The following PDE1C variants were observed in gnomAD, a reference collection of about 807,000 sequenced individuals.
PDE1C encodes the protein dual specificity calcium/calmodulin-dependent 3',5'-cyclic nucleotide phosphodiesterase 1C.
PDE1C carries 62 observed loss-of-function variants against 93.1 expected under a neutral mutation model. The observed-to-expected ratio is 0.67, with a 90% CI of 0.54 to 0.82. PDE1C has a LOEUF of 0.82. Ranked by LOEUF, PDE1C falls within the 40% of genes least tolerant of loss-of-function variation. PDE1C has a pLI of 0.00. For synonymous variants in PDE1C, 325 were observed against 310.1 expected (o/e 1.05, Z -0.50); for missense variants, 742 against 884.6 (o/e 0.84, Z 2.04).
chr7:32,314,324 T>C (rs888542291), intron 1 of PDE1C, among the ~76,000 whole-genome samples: 18 of 152,282 alleles, frequency 1.2e-4, no homozygotes, highest in African/African-American at 4.3e-4. Flanking sequence ...TTCTAGTTCA[T>C]TAAGAGACAA....
intron 2 of PDE1C, among the ~76,000 whole-genome samples, chr7:32,010,918 G>T (rs1786995945): frequency 6.6e-6 from 1 of 152,100 alleles, no homozygotes; most frequent in Non-Finnish European, 1.5e-5. Flanking sequence ...TTCAAATAAG[G>T]TTACATTCTG....
At chr7:31,768,295 C>T (rs1795266968) in intron 17 of PDE1C, among the ~76,000 whole-genome samples, 1 of 152,164 alleles carries the variant, frequency 6.6e-6, no homozygotes, top group Admixed American at 6.5e-5. Flanking sequence ...TCGGGCCAGG[C>T]TGCGGTTGCC....
At chr7:31,912,056 T>A (rs1801308521) in intron 2 of PDE1C, among the ~76,000 whole-genome samples, 1 of 152,114 alleles carries the variant, frequency 6.6e-6, no homozygotes, top group East Asian at 1.9e-4. Context: ...ATAAGTTAAA[T>A]CCATTGGTTC....
chr7:31,804,582 A>C (rs1310155093), intron 16 of PDE1C, among the ~76,000 whole-genome samples: 1 of 151,882 alleles, frequency 6.6e-6, no homozygotes, highest in African/African-American at 2.4e-5. Context: ...CATTGATAGA[A>C]GATTTCATTC....
At chr7:32,150,088 C>T (rs1284961837) in intron 3 of PDE1C, among the ~76,000 whole-genome samples, 2 of 152,168 alleles carry the variant, frequency 1.3e-5, no homozygotes, top group Non-Finnish European at 2.9e-5. Flanking sequence ...TAACCTGATG[C>T]CCAAGGTCAC....
At chr7:31,899,924 C>T (rs1336199933) in intron 2 of PDE1C, among the ~76,000 whole-genome samples, 1 of 152,170 alleles carries the variant, frequency 6.6e-6, no homozygotes, top group Non-Finnish European at 1.5e-5. Flanking sequence ...GAAGGTGCTA[C>T]TGGCATCTAA....
chr7:32,141,799 C>T (rs553344074), intron 3 of PDE1C, among the ~76,000 whole-genome samples: 1 of 144,360 alleles, frequency 6.9e-6, no homozygotes, highest in East Asian at 1.9e-4. Context: ...ACTAATGTTG[C>T]TTTCTTGTTT....
chr7:31,808,845 G>A (rs1787191186), intron 16 of PDE1C, among the ~76,000 whole-genome samples, 186 bp downstream of exon 16: 1 of 151,916 alleles, frequency 6.6e-6, no homozygotes, highest in Non-Finnish European at 1.5e-5. Context: ...TGAAGGGGAA[G>A]AGATACAGCA....
intron 1 of PDE1C, among the ~76,000 whole-genome samples, chr7:32,407,988 T>C (rs1206751729): frequency 6.6e-6 from 1 of 152,148 alleles, no homozygotes; most frequent in Non-Finnish European, 1.5e-5. Context: ...TGTTTTTAAT[T>C]GTAAAAAGAT....
chr7:32,071,097 T>G, upstream of PDE1C: 4 of 985,376 alleles, frequency 4.1e-6, no homozygotes, highest in Non-Finnish European at 4.8e-6. Context: ...GGCACCGCCG[T>G]CTGCCGGGCA....
At chr7:32,149,822 C>G (rs1180159760) in intron 3 of PDE1C, among the ~76,000 whole-genome samples, 2 of 152,086 alleles carry the variant, frequency 1.3e-5, no homozygotes, top group Admixed American at 1.3e-4. Context: ...TAACAAAAAA[C>G]TTCTTTTAAG....
intron 2 of PDE1C, among the ~76,000 whole-genome samples, chr7:32,006,550 G>T (rs1455318324): frequency 6.6e-6 from 1 of 152,146 alleles, no homozygotes; most frequent in African/African-American, 2.4e-5. Flanking sequence ...GGGCTCCATT[G>T]CCAGGCCCAT....
intron 6 of PDE1C, among the ~76,000 whole-genome samples, chr7:31,870,739 C>A (rs533310349): frequency 6.6e-5 from 10 of 152,038 alleles, no homozygotes; most frequent in Admixed American, 2.0e-4. Flanking sequence ...ATTTCTCCTT[C>A]TCCCTAACTA....
At chr7:32,019,261 T>A (rs73096692) in intron 2 of PDE1C, among the ~76,000 whole-genome samples, 11,365 of 151,212 alleles carry the variant, frequency 0.075, 505 homozygotes, top group Non-Finnish European at 0.092. Flanking sequence ...AGTAAAGAAC[T>A]AAAACATGAT....
intron 2 of PDE1C, among the ~76,000 whole-genome samples, chr7:32,200,883 A>G (rs781003040): frequency 2.0e-5 from 3 of 152,226 alleles, no homozygotes; most frequent in Non-Finnish European, 4.4e-5. Flanking sequence ...ATAGTTACAA[A>G]TATTTTTGGA....
intron 2 of PDE1C, among the ~76,000 whole-genome samples, chr7:31,982,846 C>G (rs1005642666): frequency 6.6e-6 from 1 of 152,122 alleles, no homozygotes. Flanking sequence ...TGTTGAACCC[C>G]ATGGGCTTTG....
intron 7 of PDE1C, among the ~76,000 whole-genome samples, chr7:31,853,583 A>C (rs1793612137): frequency 6.6e-6 from 1 of 152,210 alleles, no homozygotes. Flanking sequence ...AATGTAAACC[A>C]GATTCAGCAG....
At chr7:31,746,690 C>G (rs185900709), downstream of PDE1C, among the ~76,000 whole-genome samples, 12 of 152,264 alleles carry the variant, frequency 7.9e-5, no homozygotes, top group Admixed American at 3.9e-4. Context: ...CATGAGAACA[C>G]AGCTTCCTCT....
At chr7:31,826,216 T>G (rs899253688) in intron 12 of PDE1C, among the ~76,000 whole-genome samples, 6 of 152,154 alleles carry the variant, frequency 3.9e-5, no homozygotes, top group Admixed American at 3.3e-4. Context: ...AATGTATGAA[T>G]GCATATTTAG....
Sources: allele counts gnomAD v4.1 joint callset (sites outside exome capture counted in the v4.1 genomes callset), GRCh38; gene constraint gnomAD v4.1.1; transcripts MANE v1.5; gene names NCBI Gene and HGNC (gene_info 2026-07-23, HGNC 2026-07-21).